The following PRR14 variants were observed in gnomAD, a reference collection of about 807,000 sequenced individuals.
The protein encoded by PRR14 is proline rich 14, also known as proline-rich protein 14.
PRR14 carries 33 observed loss-of-function variants against 57.2 expected under a neutral mutation model. The observed-to-expected ratio is 0.58, with a 90% CI of 0.44 to 0.77. The LOEUF (loss-of-function observed/expected upper bound fraction) is 0.77, where lower values mean the gene tolerates loss of function less well. Ranked by LOEUF, PRR14 falls within the 30% of genes least tolerant of loss-of-function variation. The pLI is 0.00. For missense variants in PRR14, 716 were observed against 788.1 expected (o/e 0.91, Z 1.10); for synonymous variants, 303 against 314.7 (o/e 0.96, Z 0.39).
intron 5 of PRR14, 46 bp from the exon 6 acceptor site, chr16:30,653,319 A>T (rs2052332935): frequency 1.9e-6 from 3 of 1,598,714 alleles, no homozygotes; most frequent in Admixed American, 1.7e-5. Context: ...TGGGGCACTA[A>T]GGGGGCTTTC....
intron 3 of PRR14, chr16:30,652,177 G>A: frequency 1.6e-6 from 1 of 640,940 alleles, no homozygotes; most frequent in South Asian, 1.9e-5. Context: ...AACGATTTTG[G>A]GCTGGAACCA....
intron 3 of PRR14, chr16:30,652,228 C>A: frequency 6.5e-6 from 4 of 618,350 alleles, no homozygotes; most frequent in East Asian, 3.1e-5. Context: ...TTCTTTTTTT[C>A]TATCTTTTTT....
Position 30,656,099 on chromosome 16 carries a change from A to C in PRR14, c.1546A>C (p.Lys516Gln). 1 of 1,562,552 alleles carries C rather than the reference A, an allele frequency of 6.4e-7. No homozygotes were observed. The highest frequency in any genetic ancestry group is 2.0e-5 in the Admixed American group (1 of 51,018). The stretch of plus-strand genomic sequence containing the variant: ...GACTCTGATTTTCACCAGCTCAAGG[A>C]AGCTCCGGCGGGCTGTGGAATTTCG... ...NGTLIFTSSR[K>Q]LRRAVEFRDS... Residue 516 changes from lysine to glutamine, a missense_variant, in exon 12 of 12, where the codon AAG becomes CAG. By Grantham distance (53) the Lys-to-Gln change is moderately conservative. Coordinates refer to ENST00000300835, the MANE Select transcript of PRR14 (RefSeq NM_024031.5).
At position 30,655,626 on chromosome 16, in the gene PRR14, G is replaced by T. The variant is rs2052363024; in HGVS notation, c.1406+33G>T. On this transcript the variant is annotated intron_variant, in intron 10 of 11. Coordinates refer to ENST00000300835, the MANE Select transcript of PRR14 (RefSeq NM_024031.5). The surrounding 1 kb of genome is among the most constrained non-coding windows in gnomAD (Gnocchi z 4.6). ...GCTCACTGGGCATTGAGCCATCTTG[G>T]CCAAACAGATGCAGGCTTATGTCCC... is the stretch of plus-strand genomic sequence containing the variant. 2 of 1,589,968 alleles carry T rather than the reference G, an allele frequency of 1.3e-6. No individual in the cohort carries two copies. Among genetic ancestry groups the T allele is most frequent in the Admixed American group, 1.7e-5 (1 of 59,772 alleles).
chr16:30,654,585 C>T, intron 7 of PRR14, 44 bp from the exon 8 acceptor site: 1 of 1,466,894 alleles, frequency 6.8e-7, no homozygotes, highest in African/African-American at 1.4e-5. Flanking sequence ...GGCTGAGACA[C>T]TGCAGCCAAG....
Position 30,654,787 on chromosome 16 carries a change from C to A in PRR14, c.817C>A (p.Pro273Thr). 6.7e-7 allele frequency: 1 copy of A among 1,496,468 alleles called. No homozygotes were observed. The highest frequency in any genetic ancestry group is 9.3e-7 in the Non-Finnish European group (1 of 1,078,258). 92.7% of individuals were successfully genotyped at this position (1,496,468 alleles called of 1,614,324 possible). A position where few individuals can be genotyped will look rare whatever the true frequency, so the allele number is the denominator to read the frequency against. The change falls in exon 8 of 12, where the codon CCC (proline) becomes ACC (threonine). Residue 273 changes from proline (P) to threonine (T), a missense_variant. Physicochemically the swap from Pro to Thr is conservative, Grantham distance 38. Coordinates refer to ENST00000300835, the MANE Select transcript of PRR14 (RefSeq NM_024031.5). The stretch of plus-strand genomic sequence containing the variant: ...CCTCACGCCCAACAAAACCCCACAG[C>A]CCCCACCCCCGTCCCCCCCAATGAA... ...IFLTPNKTPQ[P>T]PPPSPPMKLE...
intron 3 of PRR14, chr16:30,652,169 C>A: frequency 1.6e-6 from 1 of 639,244 alleles, no homozygotes; most frequent in South Asian, 1.9e-5. Flanking sequence ...CACCCACCAA[C>A]GATTTTGGGC....
Position 30,650,991 on chromosome 16 carries a change from A to C in PRR14, c.-187A>C, listed in dbSNP as rs550044923. 2.2e-6 allele frequency: 1 copy of C among 455,876 alleles called. No individual in the cohort carries two copies. The highest frequency in any genetic ancestry group is 4.4e-6 in the Non-Finnish European group (1 of 226,286). The allele number at this position is 455,876 out of a possible 1,614,324, so 28.2% of individuals were successfully genotyped here. A position where few individuals can be genotyped will look rare whatever the true frequency, so the allele number is the denominator to read the frequency against. On this transcript the variant is annotated 5_prime_UTR_variant, in exon 1 of 12. Transcript: ENST00000300835. ...GGAGTGAAGAGGGTATCTGCTTGAC[A>C]GTGGATCCCTGGGGATCTACGCTGA...
intron 3 of PRR14, chr16:30,652,362 A>C (rs1034363822): frequency 1.2e-5 from 7 of 573,054 alleles, no homozygotes; most frequent in Admixed American, 9.1e-5. Flanking sequence ...CGCTGGGCCG[A>C]AACTCTTCTG....
rs1437351705 is a variant in PRR14, at chr16:30,655,178, C to G, written c.1208C>G (p.Thr403Arg). The change falls in exon 8 of 12, where the codon ACG becomes AGG. Residue 403 changes from threonine (T) to arginine (R), a missense_variant. Coordinates refer to ENST00000300835, the MANE Select transcript of PRR14 (RefSeq NM_024031.5). The surrounding 1 kb of genome is among the most constrained non-coding windows in gnomAD (Gnocchi z 4.6). Reference protein sequence around the residue: ...SPSLTTSCSSTASTSFSEPAE... With the variant: ...SPSLTTSCSSRASTSFSEPAE... ...TCTCTCACCACATCTTGCTCGTCCA[C>G]GGCATCCACTTCCTTCTCCGAACCA... The G allele has an allele frequency of 6.3e-7, 1 of 1,599,356 alleles. No homozygotes were observed. The highest frequency in any genetic ancestry group is 8.5e-7 in the Non-Finnish European group (1 of 1,172,108).
At chr16:30,652,253 A>G in intron 3 of PRR14, 2 of 583,282 alleles carry the variant, frequency 3.4e-6, no homozygotes, top group Admixed American at 2.4e-5. Context: ...TTTTAGAGAC[A>G]GGGTCTTGCT....
chr16:30,651,845 T>C lies in PRR14; in HGVS notation c.73T>C (p.Trp25Arg). ...CCGCCAGCCTCTGACTCGAGCATTA[T>C]GGGGAGCCAGGAGCCCGAAACGGCC... is the stretch of plus-strand genomic sequence containing the variant. ...LCRQPLTRAL[W>R]GARSPKRPRL... The change falls in exon 3 of 12, where the codon TGG (tryptophan) becomes CGG (arginine). Residue 25 changes from tryptophan (W) to arginine (R), a missense_variant. Coordinates refer to ENST00000300835, the MANE Select transcript of PRR14 (RefSeq NM_024031.5). The surrounding 1 kb of genome is among the most constrained non-coding windows in gnomAD (Gnocchi z 5.0). 1.9e-6 allele frequency: 3 copies of C among 1,607,290 alleles called. No homozygotes were observed. The highest frequency in any genetic ancestry group is 2.5e-6 in the Non-Finnish European group (3 of 1,179,222).
chr16:30,650,791 T>C (rs765455921), upstream of PRR14: 2 of 237,052 alleles, frequency 8.4e-6, no homozygotes, highest in Non-Finnish European at 1.8e-5. Flanking sequence ...AGACCCGGGA[T>C]CCACGGGAGG....
Position 30,655,154 on chromosome 16 carries a change from C to T in PRR14, c.1184C>T (p.Ser395Phe). ...CTCGGAGGAGTGGGAGCCTCCCCTT[C>T]TCTCACCACATCTTGCTCGTCCACG... The part of the protein sequence containing the change: ...FPLGGVGASP[S>F]LTTSCSSTAS... Residue 395 changes from serine to phenylalanine, a missense_variant, in exon 8 of 12, where the codon TCT (serine) becomes TTT (phenylalanine). Coordinates refer to ENST00000300835, the MANE Select transcript of PRR14 (RefSeq NM_024031.5). This position sits in a 1 kb window ranked among gnomAD's most constrained non-coding sequence, Gnocchi z 4.6. 1 of 1,608,212 alleles carries T rather than the reference C, an allele frequency of 6.2e-7. No homozygotes were observed. The highest frequency in any genetic ancestry group is 1.1e-5 in the South Asian group (1 of 90,846).
chr16:30,655,910 C>T lies in PRR14; in HGVS notation c.1449C>T (p.Asn483=), dbSNP rs1474948571. Residue 483 remains asparagine, a synonymous_variant, in exon 11 of 12, where the codon AAC becomes AAT. Coordinates refer to ENST00000300835, the MANE Select transcript of PRR14 (RefSeq NM_024031.5). The surrounding 1 kb of genome is among the most constrained non-coding windows in gnomAD (Gnocchi z 4.6). ...TCAGCTTGGAAGAAATTTACACCAA[C>T]AAGAATTACCAATCACCCACAACCA... ...KEFSLEEIYT[N]KNYQSPTTRR... 1.2e-6 allele frequency: 2 copies of T among 1,614,074 alleles called. No homozygotes were observed. Among genetic ancestry groups the T allele is most frequent in the African/African-American group, 2.7e-5 (2 of 74,926 alleles).
chr16:30,653,214 A>G (rs928787324), intron 5 of PRR14, 111 bp downstream of exon 5: 4 of 1,376,922 alleles, frequency 2.9e-6, no homozygotes, highest in Non-Finnish European at 4.0e-6. Flanking sequence ...GGAGGATGGC[A>G]TTTTAGGCGG....
chr16:30,652,665 T>C, intron 3 of PRR14, 56 bp from the exon 4 acceptor site: 1 of 1,610,178 alleles, frequency 6.2e-7, no homozygotes, highest in South Asian at 1.1e-5. Flanking sequence ...CAGGGAAACC[T>C]TGTCCCGTCC....
In PRR14 at chr16:30,655,256, T is replaced by C. The variant is rs2052358811; in HGVS notation, c.1244+42T>C. On this transcript the variant is annotated intron_variant, in intron 8 of 11. Coordinates refer to ENST00000300835, the MANE Select transcript of PRR14 (RefSeq NM_024031.5). This position sits in a 1 kb window ranked among gnomAD's most constrained non-coding sequence, Gnocchi z 4.6. ...ACCCCCTTGAAGCCTGGCTGCAGCC[T>C]GGTCCCAGCCTCCTTCCCTGAGTAT... The C allele has an allele frequency of 1.3e-6, 2 of 1,596,216 alleles. No individual in the cohort carries two copies. The highest frequency in any genetic ancestry group is 1.3e-5 in the African/African-American group (1 of 74,510).
At position 30,655,293 on chromosome 16, in the gene PRR14, G is replaced by A; in HGVS notation, c.1245-58G>A. On this transcript the variant is annotated intron_variant, in intron 8 of 11. Transcript: ENST00000300835. This position sits in a 1 kb window ranked among gnomAD's most constrained non-coding sequence, Gnocchi z 4.6. ...CCTTCCCTGAGTATCCAGTGGGCAGGAGACGGGGGATAATGCAGTGAATCC... is the reference window on the plus strand; with the variant it reads ...CCTTCCCTGAGTATCCAGTGGGCAGAAGACGGGGGATAATGCAGTGAATCC... The A allele has an allele frequency of 2.5e-6, 4 of 1,609,532 alleles. No individual in the cohort carries two copies. In the South Asian group the frequency reaches 3.3e-5, roughly 13 times the overall value.
Sources: allele counts gnomAD v4.1 joint callset, GRCh38; gene constraint gnomAD v4.1.1; non-coding constraint Gnocchi (gnomAD v3.1); transcripts MANE v1.5; gene names NCBI Gene and HGNC (gene_info 2026-07-23, HGNC 2026-07-21).